DGCR2: variants seen among roughly 807,000 people sequenced by gnomAD.
The protein encoded by DGCR2 is DiGeorge syndrome critical region gene 2.
A neutral mutation model predicts 51.6 loss-of-function variants in DGCR2; 24 were observed. The ratio of observed to expected loss-of-function variants is 0.47; its 90% CI spans 0.34 to 0.65. The LOEUF (loss-of-function observed/expected upper bound fraction) is 0.65. Ranked by LOEUF, DGCR2 falls within the 30% of genes least tolerant of loss-of-function variation. DGCR2 has a pLI of 0.01. For missense variants in DGCR2, 765 were observed against 772.1 expected (o/e 0.99, Z 0.11); for synonymous variants, 340 against 315.4 (o/e 1.08, Z -0.82).
At chr22:19,097,077 C>A (rs1400324163) in intron 1 of DGCR2, among the ~76,000 whole-genome samples, 1 of 152,044 alleles carries the variant, frequency 6.6e-6, no homozygotes, top group African/African-American at 2.4e-5. Context: ...GGTTTTCTTT[C>A]TCCATACCCC....
At chr22:19,076,121 A>G (rs5993502) in intron 2 of DGCR2, among the ~76,000 whole-genome samples, 64,195 of 150,382 alleles carry the variant, frequency 0.43, 13,976 homozygotes, top group African/African-American at 0.53. Flanking sequence ...CATGACGCCC[A>G]GCTAATTTTT....
chr22:19,097,303 C>T (rs2083152659), intron 1 of DGCR2, among the ~76,000 whole-genome samples: 1 of 152,082 alleles, frequency 6.6e-6, no homozygotes, highest in African/African-American at 2.4e-5. Flanking sequence ...CGCCTGTAAT[C>T]CCAGCACTTT....
chr22:19,095,579 T>G (rs1456033115), intron 1 of DGCR2, among the ~76,000 whole-genome samples: 3 of 148,910 alleles, frequency 2.0e-5, no homozygotes, highest in Non-Finnish European at 3.0e-5. Context: ...AAGAATGGCG[T>G]GAACCCAGGA....
At chr22:19,105,837 G>A (rs1472557582) in intron 1 of DGCR2, among the ~76,000 whole-genome samples, 1 of 152,054 alleles carries the variant, frequency 6.6e-6, no homozygotes, top group Non-Finnish European at 1.5e-5. Flanking sequence ...CTTCTCTACA[G>A]TGCTCAAATG....
intron 2 of DGCR2, among the ~76,000 whole-genome samples, chr22:19,078,182 T>G (rs944301506): frequency 1.3e-5 from 2 of 152,246 alleles, no homozygotes; most frequent in South Asian, 2.1e-4. Context: ...CAGTCTTTCA[T>G]GTGTACTTAA....
chr22:19,079,747 G>A (rs1393779500), intron 2 of DGCR2, among the ~76,000 whole-genome samples: 1 of 152,218 alleles, frequency 6.6e-6, no homozygotes, highest in Admixed American at 6.5e-5. Flanking sequence ...AAGCAGGGGA[G>A]CAGCCCCAGT....
At position 19,057,141 on chromosome 22, in the gene DGCR2, G is replaced by C; in HGVS notation, c.647C>G (p.Pro216Arg). The C allele has an allele frequency of 6.2e-7, 1 of 1,607,312 alleles. No homozygotes were observed. Among genetic ancestry groups the C allele is most frequent in the Non-Finnish European group, 8.5e-7 (1 of 1,176,956 alleles). ...GGCCGAGGCAAAGATGGGGTCTGGG[G>C]GCAGGAACACCTCTGAAGAGCCTGT... ...AFKGSSEVFL[P>R]PDPIFASAMS... The change falls in exon 6 of 10, where the codon CCC becomes CGC. Residue 216 changes from proline to arginine, a missense_variant. Physicochemically the swap from Pro to Arg is moderately radical, Grantham distance 103. Transcript: ENST00000263196. This position sits in a 1 kb window ranked among gnomAD's most constrained non-coding sequence, Gnocchi z 5.1.
At chr22:19,068,890 A>G (rs1471686297) in intron 2 of DGCR2, among the ~76,000 whole-genome samples, 1 of 152,238 alleles carries the variant, frequency 6.6e-6, no homozygotes, top group East Asian at 1.9e-4. Context: ...GCATGATCTA[A>G]TAGTAATTTG....
At position 19,041,915 on chromosome 22, in the gene DGCR2, C is replaced by T. The variant is rs201420058; in HGVS notation, c.1051G>A (p.Val351Ile). The T allele has an allele frequency of 5.0e-6, 8 of 1,613,616 alleles. No homozygotes were observed. In the East Asian group the frequency reaches 1.3e-4, roughly 27 times the overall value. Residue 351 changes from valine (V) to isoleucine (I), a missense_variant, in exon 8 of 10, where the codon GTC becomes ATC. Coordinates refer to ENST00000263196, the MANE Select transcript of DGCR2 (RefSeq NM_005137.3). Reference protein sequence around the residue: ...FDSMASGMRLVVSCISSFLIL... With the variant: ...FDSMASGMRLIVSCISSFLIL... ...AGGAAGGAGGAGATGCAGCTGACGACCAGGCGCATCCCGCTGGCCATGGAG... is the reference window on the plus strand; with the variant it reads ...AGGAAGGAGGAGATGCAGCTGACGATCAGGCGCATCCCGCTGGCCATGGAG...
At chr22:19,069,643 G>A (rs2082791492) in intron 2 of DGCR2, among the ~76,000 whole-genome samples, 1 of 152,120 alleles carries the variant, frequency 6.6e-6, no homozygotes, top group Non-Finnish European at 1.5e-5. Context: ...ACTTTTGATG[G>A]CTGCATAGTA....
Position 19,064,916 on chromosome 22 carries a change from C to T in DGCR2, c.480G>A (p.Glu160=). 1 of 1,613,996 alleles carries T rather than the reference C, an allele frequency of 6.2e-7. No homozygotes were observed. The highest frequency in any genetic ancestry group is 2.2e-5 in the East Asian group (1 of 44,884). The part of the protein sequence containing the change: ...GSLATFSTDQ[E]LRFVLAQEWD... ...ATTCCTGGGCCAGGACAAAGCGCAG[C>T]TCCTGGTCAGTGGAGAAGGTGGCGA... Residue 160 remains glutamate, a synonymous_variant, in exon 4 of 10, where the codon GAG becomes GAA. Transcript: ENST00000263196.
intron 2 of DGCR2, among the ~76,000 whole-genome samples, chr22:19,073,882 C>T (rs1569062750): frequency 6.6e-6 from 1 of 152,146 alleles, no homozygotes; most frequent in Non-Finnish European, 1.5e-5. Flanking sequence ...GAGGTTCCAA[C>T]GCAAGGAGAC....
chr22:19,115,420 C>G (rs141032965), intron 1 of DGCR2, among the ~76,000 whole-genome samples: 1 of 152,302 alleles, frequency 6.6e-6, no homozygotes, highest in Non-Finnish European at 1.5e-5. Flanking sequence ...AAGCTCCTAC[C>G]AGGGTGGGGC....
intron 1 of DGCR2, among the ~76,000 whole-genome samples, chr22:19,120,227 T>C (rs930446458): frequency 3.9e-5 from 6 of 152,152 alleles, no homozygotes; most frequent in Non-Finnish European, 5.9e-5. Flanking sequence ...TGGAGAGTCA[T>C]GGAATCGAAA....
At chr22:19,111,534 C>T (rs1262170114) in intron 1 of DGCR2, among the ~76,000 whole-genome samples, 1 of 152,186 alleles carries the variant, frequency 6.6e-6, no homozygotes, top group Non-Finnish European at 1.5e-5. Context: ...CTCTCTGGGT[C>T]TTAGCATCCT....
intron 1 of DGCR2, among the ~76,000 whole-genome samples, chr22:19,105,522 G>A (rs1443017754): frequency 6.6e-6 from 1 of 152,200 alleles, no homozygotes; most frequent in Non-Finnish European, 1.5e-5. Context: ...CAGGCCTCTG[G>A]CAAGCACCCA....
intron 4 of DGCR2, among the ~76,000 whole-genome samples, chr22:19,063,530 T>G (rs1484346544): frequency 6.6e-6 from 1 of 150,800 alleles, no homozygotes; most frequent in African/African-American, 2.4e-5. Flanking sequence ...TTTTTTTTTT[T>G]AGTAGAGACG....
In DGCR2 at chr22:19,042,255, C is replaced by T. The variant is rs2082440869; in HGVS notation, c.1007-296G>A. Among the ~76,000 whole-genome samples the T allele has an allele frequency of 2.0e-5, 3 of 152,328 alleles. No individual in the cohort carries two copies. The South Asian group carries it at 6.2e-4, about 32-fold the overall frequency. The stretch of plus-strand genomic sequence containing the variant: ...ACCGGAGCAAACTAGGATTTCCTGT[C>T]CTAGGACTAGCACTCCTAGGAGGCT... On this transcript the variant is annotated intron_variant, in intron 7 of 9. Coordinates refer to ENST00000263196, the MANE Select transcript of DGCR2 (RefSeq NM_005137.3).
chr22:19,109,215 C>G (rs951857261), intron 1 of DGCR2, among the ~76,000 whole-genome samples: 1 of 152,134 alleles, frequency 6.6e-6, no homozygotes, highest in Non-Finnish European at 1.5e-5. Context: ...GGTACAGTCA[C>G]TATGGAAGAC....
Sources: allele counts gnomAD v4.1 joint callset (sites outside exome capture counted in the v4.1 genomes callset), GRCh38; gene constraint gnomAD v4.1.1; non-coding constraint Gnocchi (gnomAD v3.1); transcripts MANE v1.5; gene names NCBI Gene and HGNC (gene_info 2026-07-23, HGNC 2026-07-21).